MGAT4C: variants seen among roughly 807,000 people sequenced by gnomAD.
MGAT4C encodes MGAT4 family member C.
MGAT4C carries 19 observed loss-of-function variants against 40.1 expected under a neutral mutation model. The ratio of observed to expected loss-of-function variants is 0.47; its 90% CI spans 0.33 to 0.70. The LOEUF (loss-of-function observed/expected upper bound fraction) is 0.70, where lower values mean the gene tolerates loss of function less well. Ranked by LOEUF, MGAT4C falls within the 30% of genes least tolerant of loss-of-function variation. The pLI, the probability that MGAT4C is intolerant of heterozygous loss-of-function variation, is 0.02. For synonymous variants in MGAT4C, 181 were observed against 187.1 expected, an observed-to-expected ratio of 0.97 and a Z score of 0.27; for missense variants, 491 against 563.2, an observed-to-expected ratio of 0.87 and a Z score of 1.30.
chr12:86,012,778 A>AACAACAACCACCACCACC (rs1308194133), intron 2 of MGAT4C, among the ~76,000 whole-genome samples: 20 of 136,452 alleles, frequency 1.5e-4, no homozygotes, highest in African/African-American at 5.5e-4. Flanking sequence ...CAACAACAAC[A>AACAACAACCACCACCACC]ACCACCACCA....
Position 86,305,420 on chromosome 12 carries a change from C to T in MGAT4C, c.-57+28645G>A, listed in dbSNP as rs139028104. Among the ~76,000 whole-genome samples, 1,084 of 125,894 alleles carry T rather than the reference C, an allele frequency of 8.6e-3. 95 individuals are homozygous for T. Among genetic ancestry groups the T allele is most frequent in the African/African-American group, 0.034 (1,047 of 30,608 alleles). 82.6% of individuals were successfully genotyped at this position (125,894 alleles called of 152,430 possible). On this transcript the variant is annotated intron_variant, in intron 4 of 7. Coordinates refer to the MGAT4C transcript ENST00000548651. ...CACTATAGCACTCCAGCCTGGGCAA[C>T]AAGAGCAAAACTCCGTCTCAAAGAA...
chr12:86,361,958 C>A (rs1335080764), intron 3 of MGAT4C, among the ~76,000 whole-genome samples: 1 of 152,196 alleles, frequency 6.6e-6, no homozygotes, highest in Non-Finnish European at 1.5e-5. Context: ...ACTAGAAATA[C>A]CATTTGATCC....
At chr12:86,433,727 A>C (rs140977179) in intron 3 of MGAT4C, among the ~76,000 whole-genome samples, 172 of 152,104 alleles carry the variant, frequency 1.1e-3, no homozygotes, top group African/African-American at 4.0e-3. Context: ...CGGCATTGCT[A>C]AAGTTTTTTA....
chr12:86,635,314 A>G (rs571510237), intron 2 of MGAT4C, among the ~76,000 whole-genome samples: 7 of 152,232 alleles, frequency 4.6e-5, no homozygotes, highest in Non-Finnish European at 7.4e-5. Context: ...AGAAAAGTTA[A>G]TTAAACCTGT....
At chr12:86,631,513 G>T (rs4465427) in intron 2 of MGAT4C, among the ~76,000 whole-genome samples, 145,134 of 151,996 alleles carry the variant, frequency 0.95, 69,565 homozygotes, top group Non-Finnish European at 1. Context: ...TATACTACAA[G>T]GCTACAGTAA....
intron 3 of MGAT4C, among the ~76,000 whole-genome samples, chr12:86,428,784 C>A (rs1399399840): frequency 6.6e-6 from 1 of 151,970 alleles, no homozygotes; most frequent in Non-Finnish European, 1.5e-5. Context: ...TTCTTATGAT[C>A]CTTTTTATTT....
At chr12:86,517,770 C>T (rs903421154) in intron 2 of MGAT4C, among the ~76,000 whole-genome samples, 2 of 152,062 alleles carry the variant, frequency 1.3e-5, no homozygotes, top group African/African-American at 2.4e-5. Context: ...CTCAGCCTCC[C>T]GAGTAGCTGG....
chr12:86,019,014 A>G (rs1889376131), intron 2 of MGAT4C, among the ~76,000 whole-genome samples: 1 of 152,040 alleles, frequency 6.6e-6, no homozygotes, highest in Non-Finnish European at 1.5e-5. Context: ...TCATTCTCTT[A>G]AATATATATA....
chr12:86,079,813 A>G (rs1870489936), intron 1 of MGAT4C, among the ~76,000 whole-genome samples: 1 of 151,914 alleles, frequency 6.6e-6, no homozygotes, highest in Admixed American at 6.6e-5. Context: ...GAATCTTTAA[A>G]CACTAAAAAT....
chr12:85,984,366 A>C (rs760980302), intron 3 of MGAT4C, among the ~76,000 whole-genome samples: 1 of 151,794 alleles, frequency 6.6e-6, no homozygotes, highest in Non-Finnish European at 1.5e-5. Flanking sequence ...ATTTCTTATG[A>C]TAGTTAAGTT....
At chr12:85,989,691 T>A (rs1007594802) in intron 2 of MGAT4C, 139 bp from the exon 3 acceptor site, 16 of 749,628 alleles carry the variant, frequency 2.1e-5, no homozygotes, top group Middle Eastern at 4.0e-4. Context: ...ATTTCAAACA[T>A]AAGGTTGGCA....
intron 3 of MGAT4C, among the ~76,000 whole-genome samples, chr12:86,410,882 C>T (rs563347211): frequency 2.6e-5 from 4 of 152,292 alleles, no homozygotes; most frequent in South Asian, 2.1e-4. Context: ...TCCCTCCATT[C>T]GGGGTCCCTG....
At chr12:86,743,656 A>G (rs1461379110) in intron 1 of MGAT4C, among the ~76,000 whole-genome samples, 1 of 151,544 alleles carries the variant, frequency 6.6e-6, no homozygotes, top group Non-Finnish European at 1.5e-5. Context: ...ACAGATTGTT[A>G]AACAAAGCCC....
At chr12:86,759,979 C>T (rs1035920958) in intron 1 of MGAT4C, among the ~76,000 whole-genome samples, 20 of 151,926 alleles carry the variant, frequency 1.3e-4, no homozygotes, top group Non-Finnish European at 2.8e-4. Flanking sequence ...CAATTTTGAG[C>T]AAAAATAACA....
chr12:86,656,111 TTA>T (rs1963844020), intron 2 of MGAT4C, among the ~76,000 whole-genome samples: 1 of 152,070 alleles, frequency 6.6e-6, no homozygotes, highest in South Asian at 2.1e-4. Flanking sequence ...ACATTTGAAA[TTA>T]TGTTATTTTT....
chr12:86,536,770 A>C (rs575976730), intron 2 of MGAT4C, among the ~76,000 whole-genome samples: 1 of 152,150 alleles, frequency 6.6e-6, no homozygotes, highest in African/African-American at 2.4e-5. Context: ...GAATAAAATT[A>C]AAATTTAAAA....
In MGAT4C at chr12:86,267,636, AG is replaced by A. The variant is rs563371033; in HGVS notation, c.-57+66428del. ...GCACTAGACTGTAGTAATTCAATAA[AG>A]GGGGGAATAAATAAACCATAAAGAG... On this transcript the variant is annotated intron_variant, in intron 4 of 7. Transcript: ENST00000548651. Among the ~76,000 whole-genome samples the A allele has an allele frequency of 1.5e-3, 223 of 152,292 alleles. 1 individual carries two copies. The highest frequency in any genetic ancestry group is 2.6e-3 in the Non-Finnish European group (180 of 67,988).
chr12:85,985,805 TAGTG>T (rs1443972759), intron 3 of MGAT4C, among the ~76,000 whole-genome samples: 1 of 152,210 alleles, frequency 6.6e-6, no homozygotes, highest in Non-Finnish European at 1.5e-5. Context: ...AAAATGTAAC[TAGTG>T]ACTCAGTTTA....
chr12:86,591,141 T>C (rs562040516), intron 2 of MGAT4C, among the ~76,000 whole-genome samples: 126 of 152,002 alleles, frequency 8.3e-4, no homozygotes, highest in Non-Finnish European at 1.5e-3. Context: ...TTAAAAGGAG[T>C]TGGGTTTTGT....
Sources: allele counts gnomAD v4.1 joint callset (sites outside exome capture counted in the v4.1 genomes callset), GRCh38; gene constraint gnomAD v4.1.1; transcripts MANE v1.5; gene names NCBI Gene and HGNC (gene_info 2026-07-23, HGNC 2026-07-21).